Variants in GHRH observed in about 807,000 individuals in gnomAD.
GHRH encodes the protein somatoliberin.
Under a neutral mutation model 15.6 loss-of-function variants are expected in GHRH, and 7 were observed. That is an observed-to-expected ratio of 0.45 (90% CI 0.26 to 0.84). The LOEUF is 0.84. Ranked by LOEUF, GHRH falls within the 40% of genes least tolerant of loss-of-function variation. GHRH has a pLI of 0.18. For synonymous variants in GHRH, 54 were observed against 50.4 expected, an observed-to-expected ratio of 1.07 and a Z score of -0.30; for missense variants, 117 against 138.0, an observed-to-expected ratio of 0.85 and a Z score of 0.76.
At position 37,256,434 on chromosome 20, in the gene GHRH, C is replaced by T. The variant is rs566092278; in HGVS notation, c.148G>A (p.Ala50Thr). The change falls in exon 3 of 5, where the codon GCC becomes ACC. Residue 50 changes from alanine to threonine, a missense_variant. Coordinates refer to ENST00000373614, the MANE Select transcript of GHRH (RefSeq NM_021081.6). ...SYRKVLGQLS[A>T]RKLLQDIMSR... ...ATGATGTCCTGGAGCAGCTTGCGGG[C>T]GGACAGCTGGCCCAGCACCTTCCGG... 1.9e-5 allele frequency: 30 copies of T among 1,613,138 alleles called. No individual in the cohort carries two copies. The highest frequency in any genetic ancestry group is 3.3e-5 in the South Asian group (3 of 91,020).
intron 1 of GHRH, among the ~76,000 whole-genome samples, chr20:37,260,382 G>A (rs1397960299): frequency 6.7e-6 from 1 of 149,614 alleles, no homozygotes; most frequent in Non-Finnish European, 1.5e-5. Context: ...GAGCAACATG[G>A]CGAGACCCCA....
chr20:37,253,286 C>T (rs577936840), intron 4 of GHRH, among the ~76,000 whole-genome samples: 2 of 152,298 alleles, frequency 1.3e-5, no homozygotes, highest in East Asian at 1.9e-4. Context: ...TCACGTCTCT[C>T]GTCTGCTGAT....
At chr20:37,260,831 C>T (rs113223243) in intron 1 of GHRH, among the ~76,000 whole-genome samples, 1,918 of 152,272 alleles carry the variant, frequency 0.013, 19 homozygotes, top group Non-Finnish European at 0.021. Context: ...GATCTACATC[C>T]GTTGGCACCT....
Position 37,258,467 on chromosome 20 carries a change from C to T in GHRH, c.-19-1559G>A, listed in dbSNP as rs1462568136. ...CCCTCTCAGGGTATCACCCTCCTTT[C>T]TGAAGGCACTGAAGTCTCCTCTAAC... On this transcript the variant is annotated intron_variant, in intron 1 of 4. Coordinates refer to ENST00000373614, the MANE Select transcript of GHRH (RefSeq NM_021081.6). This position sits in a 1 kb window ranked among gnomAD's most constrained non-coding sequence, Gnocchi z 4.1. Among the ~76,000 whole-genome samples, 5 of 152,234 alleles carry T rather than the reference C, an allele frequency of 3.3e-5. No homozygotes were observed. The highest frequency in any genetic ancestry group is 9.6e-5 in the African/African-American group (4 of 41,460).
At chr20:37,254,046 G>C (rs982824517) in intron 4 of GHRH, among the ~76,000 whole-genome samples, 164 bp downstream of exon 4, 4 of 152,194 alleles carry the variant, frequency 2.6e-5, no homozygotes, top group Non-Finnish European at 4.4e-5. Context: ...ACCATACCCA[G>C]CCACTCTCCT....
rs759618578 is a variant in GHRH at position 37,254,320 on chromosome 20, G to C, written c.198C>G (p.Asn66Lys). 2.5e-6 allele frequency: 4 copies of C among 1,614,124 alleles called. No homozygotes were observed. The South Asian group carries it at 4.4e-5, about 18-fold the overall frequency. The change falls in exon 4 of 5, where the codon AAC (asparagine) becomes AAG (lysine). Residue 66 changes from asparagine to lysine, a missense_variant. Asn to Lys is a moderately conservative substitution (Grantham distance 94). Coordinates refer to ENST00000373614, the MANE Select transcript of GHRH (RefSeq NM_021081.6). ...DIMSRQQGES[N>K]QERGARARLG... ...GCCGTGCCCTTGCTCCTCGCTCTTG[G>C]TTGCTCTCTCTGTGTGGTTAGAAAA... is the stretch of plus-strand genomic sequence containing the variant.
chr20:37,254,181 T>C (rs2068640820), intron 4 of GHRH, 29 bp downstream of exon 4: 1 of 1,613,390 alleles, frequency 6.2e-7, no homozygotes, highest in African/African-American at 1.3e-5. Context: ...CTGAAGTCCC[T>C]AGATGCACCC....
intron 4 of GHRH, among the ~76,000 whole-genome samples, chr20:37,253,495 G>A (rs1413006849): frequency 6.6e-6 from 1 of 152,182 alleles, no homozygotes; most frequent in Non-Finnish European, 1.5e-5. Flanking sequence ...TTTTGGGCAT[G>A]GACACTGAGC....
chr20:37,256,633 C>G, intron 2 of GHRH, 135 bp from the exon 3 acceptor site: 1 of 724,258 alleles, frequency 1.4e-6, no homozygotes, highest in South Asian at 1.8e-5. Flanking sequence ...GACTCAGACC[C>G]CTCTGAGTGA....
At position 37,253,751 on chromosome 20, in the gene GHRH, C is replaced by G. The variant is rs529660501; in HGVS notation, c.308+459G>C. 4.7e-4 allele frequency among the ~76,000 whole-genome samples: 72 copies of G among 151,950 alleles called. 1 individual carries two copies. Among genetic ancestry groups the G allele is most frequent in the East Asian group, 7.7e-4 (4 of 5,164 alleles). On this transcript the variant is annotated intron_variant, in intron 4 of 4. Transcript: ENST00000373614. The stretch of plus-strand genomic sequence containing the variant: ...ACTGCACCTGGGCACTCCCCTAGTT[C>G]TTCTTCTTTTTTTATTTTAGACAGA...
chr20:37,258,031 C>T lies in GHRH; in HGVS notation c.-19-1123G>A, dbSNP rs1438520181. On this transcript the variant is annotated intron_variant, in intron 1 of 4. Coordinates refer to ENST00000373614, the MANE Select transcript of GHRH (RefSeq NM_021081.6). This position sits in a 1 kb window ranked among gnomAD's most constrained non-coding sequence, Gnocchi z 4.1. ...TGAAGAGCCGGGGGATCCAGTGTGG[C>T]GCAGTCATCTCATAGGTCCTGTAAC... 6.6e-6 allele frequency among the ~76,000 whole-genome samples: 1 copy of T among 152,168 alleles called. No individual in the cohort carries two copies. Among genetic ancestry groups the T allele is most frequent in the Non-Finnish European group, 1.5e-5 (1 of 68,028 alleles).
At chr20:37,259,001 A>T (rs2068673590) in intron 1 of GHRH, among the ~76,000 whole-genome samples, 1 of 151,978 alleles carries the variant, frequency 6.6e-6, no homozygotes, top group South Asian at 2.1e-4. Flanking sequence ...CAGCCTCCCA[A>T]AGAGTTGAGC....
intron 1 of GHRH, among the ~76,000 whole-genome samples, chr20:37,259,252 A>G (rs1026560920): frequency 1.3e-5 from 2 of 152,112 alleles, no homozygotes; most frequent in African/African-American, 4.8e-5. Flanking sequence ...TCCTTTAGAT[A>G]TGTTCCGCAT....
At chr20:37,252,788 C>T (rs2068629360) in intron 4 of GHRH, among the ~76,000 whole-genome samples, 1 of 152,122 alleles carries the variant, frequency 6.6e-6, no homozygotes, top group South Asian at 2.1e-4. Context: ...CCTGTAATCC[C>T]AGCACTTGGG....
chr20:37,256,752 C>T, intron 2 of GHRH, 55 bp downstream of exon 2: 1 of 1,387,150 alleles, frequency 7.2e-7, no homozygotes, highest in Non-Finnish European at 1.0e-6. Flanking sequence ...CTAACGCCTG[C>T]CCCATGGCAG....
chr20:37,256,569 G>A (rs2068657412), intron 2 of GHRH, 71 bp from the exon 3 acceptor site: 5 of 958,360 alleles, frequency 5.2e-6, no homozygotes, highest in South Asian at 2.9e-5. Context: ...GGCTGCACTC[G>A]CCATGTCTCT....
chr20:37,251,215 A>C lies in GHRH; in HGVS notation c.325T>G (p.Ter109GlyextTer5). The C allele has an allele frequency of 6.2e-7, 1 of 1,600,684 alleles. No homozygotes were observed. The highest frequency in any genetic ancestry group is 8.5e-7 in the Non-Finnish European group (1 of 1,174,090). Residue 109 changes from the stop codon to glycine, a stop_lost, in exon 5 of 5, where the codon TGA becomes GGA. Transcript: ENST00000373614. ...LQKHSRNSQG* is the reference protein window; with the variant it reads ...LQKHSRNSQGG ...AGCCCGGGTCACAGGAGGAATCTTC[A>C]TCCCTGGGAGTTCCTGCTGCAGAAA...
chr20:37,251,258 C>G (rs780266315), intron 4 of GHRH, 27 bp from the exon 5 acceptor site: 2 of 1,594,214 alleles, frequency 1.3e-6, no homozygotes, highest in South Asian at 2.3e-5. Context: ...CAAGCTCAAT[C>G]CGGGGAATTG....
At chr20:37,255,340 G>C (rs1439466869) in intron 3 of GHRH, among the ~76,000 whole-genome samples, 1 of 152,006 alleles carries the variant, frequency 6.6e-6, no homozygotes, top group Non-Finnish European at 1.5e-5. Flanking sequence ...TCCAAACTCT[G>C]CCACTCTTTG....
Sources: allele counts gnomAD v4.1 joint callset (sites outside exome capture counted in the v4.1 genomes callset), GRCh38; gene constraint gnomAD v4.1.1; non-coding constraint Gnocchi (gnomAD v3.1); transcripts MANE v1.5; gene names NCBI Gene and HGNC (gene_info 2026-07-23, HGNC 2026-07-21).